The following PRKCB variants were observed in gnomAD, a reference collection of about 807,000 sequenced individuals.
The protein encoded by PRKCB is protein kinase C beta type.
PRKCB carries 13 observed loss-of-function variants against 81.5 expected under a neutral mutation model. The observed-to-expected ratio is 0.16, with a 90% CI of 0.10 to 0.25. The LOEUF (loss-of-function observed/expected upper bound fraction) is 0.25. PRKCB is among the 10% of genes least tolerant of loss of function. PRKCB has a pLI of 1.00. For synonymous variants in PRKCB, 335 were observed against 321.4 expected, an observed-to-expected ratio of 1.04 and a Z score of -0.45; for missense variants, 509 against 875.7, an observed-to-expected ratio of 0.58 and a Z score of 5.29.
intron 2 of PRKCB, among the ~76,000 whole-genome samples, chr16:23,961,550 G>T (rs1289560577): frequency 6.6e-6 from 1 of 152,176 alleles, no homozygotes; most frequent in Non-Finnish European, 1.5e-5. Flanking sequence ...TTTCCTTAGA[G>T]TCCCACTGTA....
At chr16:24,125,083 ATAATTAATTG>A (rs1490115903) in intron 9 of PRKCB, among the ~76,000 whole-genome samples, 4,440 of 73,892 alleles carry the variant, frequency 0.06, 220 homozygotes, top group African/African-American at 0.24. Context: ...ATCGTTACCT[ATAATTAATTG>A]CAATCCCAAT....
At chr16:23,916,155 GC>G (rs1320179334) in intron 2 of PRKCB, among the ~76,000 whole-genome samples, 1 of 151,858 alleles carries the variant, frequency 6.6e-6, no homozygotes, top group Admixed American at 6.6e-5. Flanking sequence ...CTGGGCTCAA[GC>G]GATTCTCCCA....
intron 9 of PRKCB, among the ~76,000 whole-genome samples, chr16:24,133,848 A>G (rs1168707486): frequency 6.6e-6 from 1 of 151,824 alleles, no homozygotes; most frequent in Non-Finnish European, 1.5e-5. Context: ...GCCTCTTGCC[A>G]TCTCTTCTCC....
intron 2 of PRKCB, among the ~76,000 whole-genome samples, chr16:23,933,552 A>G (rs1282360754): frequency 1.3e-5 from 2 of 152,170 alleles, no homozygotes; most frequent in Admixed American, 6.5e-5. Context: ...CAGAAAATTA[A>G]CATTTTCTAC....
Position 24,203,439 on chromosome 16 carries a change from C to T in PRKCB, c.1864-11219C>T, listed in dbSNP as rs529831808. Among the ~76,000 whole-genome samples the T allele has an allele frequency of 3.9e-5, 6 of 152,226 alleles. No individual in the cohort carries two copies. In the East Asian group the frequency reaches 1.2e-3, roughly 30 times the overall value. On this transcript the variant is annotated intron_variant, in intron 16 of 16. Transcript: ENST00000643927. ...GTAACTTACTTTTTAAATAAATTCA[C>T]TCCCACAATAATAACATCAATCCAG...
chr16:24,107,749 A>C (rs562865835), intron 7 of PRKCB, among the ~76,000 whole-genome samples: 3 of 152,178 alleles, frequency 2.0e-5, no homozygotes, highest in Admixed American at 2.0e-4. Flanking sequence ...CTCCTCTTGC[A>C]TATGAATGGG....
chr16:24,010,210 T>G (rs1965183727), intron 3 of PRKCB, among the ~76,000 whole-genome samples: 1 of 152,174 alleles, frequency 6.6e-6, no homozygotes, highest in South Asian at 2.1e-4. Context: ...ATTGGCCCAT[T>G]GAACACCCTA....
At chr16:23,998,882 A>G (rs1479509260) in intron 3 of PRKCB, among the ~76,000 whole-genome samples, 1 of 152,030 alleles carries the variant, frequency 6.6e-6, no homozygotes, top group Non-Finnish European at 1.5e-5. Context: ...GTGGCATGAG[A>G]CCCCTCTCTG....
At chr16:23,951,749 T>C (rs1429869256) in intron 2 of PRKCB, among the ~76,000 whole-genome samples, 1 of 151,842 alleles carries the variant, frequency 6.6e-6, no homozygotes, top group African/African-American at 2.4e-5. Context: ...TAATTGATAG[T>C]AACTCTTTAT....
At chr16:24,196,394 A>G (rs1279516356) in intron 16 of PRKCB, among the ~76,000 whole-genome samples, 2 of 152,238 alleles carry the variant, frequency 1.3e-5, no homozygotes, top group African/African-American at 4.8e-5. Flanking sequence ...ATAAAGGACT[A>G]TAATTTGGCT....
At chr16:24,057,262 T>C (rs933432736) in intron 5 of PRKCB, among the ~76,000 whole-genome samples, 6 of 152,176 alleles carry the variant, frequency 3.9e-5, no homozygotes, top group Non-Finnish European at 8.8e-5. Context: ...TATGAAATAA[T>C]ACTATCCCAT....
intron 5 of PRKCB, among the ~76,000 whole-genome samples, chr16:24,084,728 A>G (rs939216986): frequency 1.3e-5 from 2 of 152,220 alleles, no homozygotes; most frequent in Non-Finnish European, 2.9e-5. Context: ...ACAAAAACAT[A>G]TAATACCAAA....
At chr16:24,178,744 A>G (rs1160998790) in intron 12 of PRKCB, among the ~76,000 whole-genome samples, 1 of 152,240 alleles carries the variant, frequency 6.6e-6, no homozygotes, top group Non-Finnish European at 1.5e-5. Flanking sequence ...TCAGTGGGCA[A>G]GTGCAAGTGG....
chr16:23,855,797 A>C (rs541624743), intron 2 of PRKCB, among the ~76,000 whole-genome samples: 18 of 152,226 alleles, frequency 1.2e-4, no homozygotes, highest in Non-Finnish European at 2.5e-4. Context: ...AAGCCAATGC[A>C]TCAAGTGGGC....
chr16:24,018,115 G>T (rs1254560561), intron 3 of PRKCB, among the ~76,000 whole-genome samples: 3 of 152,016 alleles, frequency 2.0e-5, no homozygotes, highest in South Asian at 2.1e-4. Flanking sequence ...TGGCCAGGAT[G>T]GTCTCGATCT....
At chr16:24,096,669 ATATATATATATATATATATAT>A (rs1966448111) in intron 7 of PRKCB, among the ~76,000 whole-genome samples, 6 of 20,434 alleles carry the variant, frequency 2.9e-4, no homozygotes, top group Non-Finnish European at 7.0e-4. Context: ...AAAAAAAAAT[ATATATATATATATATATATAT>A]ATATATATAT....
At chr16:23,862,555 A>G (rs1171999849) in intron 2 of PRKCB, among the ~76,000 whole-genome samples, 1 of 152,188 alleles carries the variant, frequency 6.6e-6, no homozygotes, top group Non-Finnish European at 1.5e-5. Flanking sequence ...TCTCTGCAGA[A>G]TCTGCTTTCT....
At chr16:23,892,656 A>G (rs927326079) in intron 2 of PRKCB, among the ~76,000 whole-genome samples, 1 of 152,206 alleles carries the variant, frequency 6.6e-6, no homozygotes, top group Non-Finnish European at 1.5e-5. Context: ...ACTTCGTTCA[A>G]TATATAGATT....
intron 5 of PRKCB, among the ~76,000 whole-genome samples, chr16:24,075,824 G>T (rs1310673970): frequency 1.3e-5 from 2 of 152,178 alleles, no homozygotes; most frequent in Non-Finnish European, 2.9e-5. Context: ...CAAAAGCAGT[G>T]GTTTTCATAC....
Sources: allele counts gnomAD v4.1 joint callset (sites outside exome capture counted in the v4.1 genomes callset), GRCh38; gene constraint gnomAD v4.1.1; transcripts MANE v1.5; gene names NCBI Gene and HGNC (gene_info 2026-07-23, HGNC 2026-07-21).